Variants in DEPDC5 observed in about 807,000 individuals in gnomAD.
The protein encoded by DEPDC5 is GATOR1 complex protein DEPDC5.
A neutral mutation model predicts 217.3 loss-of-function variants in DEPDC5; 73 were observed. The ratio of observed to expected loss-of-function variants is 0.34; its 90% CI spans 0.28 to 0.41. The LOEUF (loss-of-function observed/expected upper bound fraction) is 0.41. Ranked by LOEUF, DEPDC5 falls within the 10% of genes least tolerant of loss-of-function variation. The probability of loss-of-function intolerance (pLI) is 1.00; values close to 1 mark genes in which losing one functional copy is unlikely to be tolerated. For missense variants in DEPDC5, 1,675 were observed against 2,070.1 expected, an observed-to-expected ratio of 0.81 and a Z score of 3.70; for synonymous variants, 733 against 756.7, an observed-to-expected ratio of 0.97 and a Z score of 0.51.
At chr22:31,799,087 A>G (rs2086577860) in intron 14 of DEPDC5, among the ~76,000 whole-genome samples, 1 of 146,104 alleles carries the variant, frequency 6.8e-6, no homozygotes, top group Admixed American at 7.1e-5. Flanking sequence ...CTCTGTCGCC[A>G]GGCTGGAGTG....
At chr22:31,828,383 C>T (rs1191015908) in intron 24 of DEPDC5, among the ~76,000 whole-genome samples, 1 of 136,568 alleles carries the variant, frequency 7.3e-6, no homozygotes, top group African/African-American at 2.7e-5. Context: ...ACCCGGGAGG[C>T]GGAGGTTGCA....
chr22:31,765,982 G>T (rs997612510), intron 5 of DEPDC5, among the ~76,000 whole-genome samples: 1 of 152,126 alleles, frequency 6.6e-6, no homozygotes, highest in Non-Finnish European at 1.5e-5. Flanking sequence ...AGCTGAGATC[G>T]TGCCACTGCA....
At chr22:31,756,196 A>G (rs148950376) in intron 2 of DEPDC5, among the ~76,000 whole-genome samples, 1 of 152,106 alleles carries the variant, frequency 6.6e-6, no homozygotes, top group Non-Finnish European at 1.5e-5. Context: ...TCTTTTTAAC[A>G]TTGTATTTTA....
At chr22:31,759,268 C>G (rs1265327136) in intron 3 of DEPDC5, among the ~76,000 whole-genome samples, 2 of 151,834 alleles carry the variant, frequency 1.3e-5, no homozygotes, top group Non-Finnish European at 2.9e-5. Context: ...GGGGTTTCAC[C>G]ATATTGTCCA....
At chr22:31,787,040 A>G (rs2085072154) in intron 10 of DEPDC5, among the ~76,000 whole-genome samples, 1 of 151,846 alleles carries the variant, frequency 6.6e-6, no homozygotes, top group Non-Finnish European at 1.5e-5. Context: ...TCGGCCTCCC[A>G]AAGTGTTGGG....
chr22:31,894,467 G>A (rs2093506562), intron 39 of DEPDC5: 2 of 151,988 alleles, frequency 1.3e-5, no homozygotes, highest in Non-Finnish European at 2.9e-5. Flanking sequence ...TTTAACCATA[G>A]TTAACCAGTC....
chr22:31,893,024 C>T (rs1351869962), intron 38 of DEPDC5, among the ~76,000 whole-genome samples: 1 of 152,040 alleles, frequency 6.6e-6, no homozygotes, highest in African/African-American at 2.4e-5. Flanking sequence ...TACAGGTGTG[C>T]ACCACCACAC....
chr22:31,856,552 AAAAT>A (rs1201992587), intron 31 of DEPDC5, among the ~76,000 whole-genome samples: 1 of 152,230 alleles, frequency 6.6e-6, no homozygotes, highest in Non-Finnish European at 1.5e-5. Flanking sequence ...AAAAATTAGG[AAAAT>A]AAACATGAAA....
chr22:31,805,767 T>G (rs1012750244), intron 17 of DEPDC5, among the ~76,000 whole-genome samples: 3 of 152,170 alleles, frequency 2.0e-5, no homozygotes, highest in Admixed American at 1.3e-4. Context: ...TTATACTATT[T>G]GATATCATGA....
In DEPDC5 at chr22:31,837,143, C is replaced by G; in HGVS notation, c.2342C>G (p.Ala781Gly). 2 of 1,614,098 alleles carry G rather than the reference C, an allele frequency of 1.2e-6. No individual in the cohort carries two copies. The highest frequency in any genetic ancestry group is 2.2e-5 in the South Asian group (2 of 91,078). ...GGCTGTTATGATCTCCTTCCAGAAG[C>G]AGACATCGACAGGTCAGTGTCAGAG... is the stretch of plus-strand genomic sequence containing the variant. ...TEGCYDLLPEADIDRRDEDGV... is the reference protein window; with the variant it reads ...TEGCYDLLPEGDIDRRDEDGV... The change falls in exon 26 of 43, where the codon GCA becomes GGA. Residue 781 changes from alanine (A) to glycine (G), a missense_variant. Ala to Gly is a moderately conservative substitution (Grantham distance 60). This residue lies in a region of DEPDC5 where 293 missense variants were observed against 386.1 expected (regional missense o/e 0.76). Coordinates refer to ENST00000651528, the MANE Select transcript of DEPDC5 (RefSeq NM_001242896.3).
At position 31,784,268 on chromosome 22, in the gene DEPDC5, A is replaced by C. The variant is rs926875218; in HGVS notation, c.562+283A>C. The C allele has an allele frequency of 2.8e-5, 7 of 246,554 alleles. No individual in the cohort carries two copies. The Admixed American group carries it at 3.8e-4, about 13-fold the overall frequency. The allele number at this position is 246,554 out of a possible 1,614,324, so 15.3% of individuals were successfully genotyped here. ...GGCTTCAAAAAATAAAGAAATAAAT[A>C]AACTTGGCTTCTTAGTTTGAGAATG... On this transcript the variant is annotated intron_variant, in intron 9 of 42. Transcript: ENST00000651528.
In DEPDC5 at chr22:31,758,554, C is replaced by T. The variant is rs1440966754; in HGVS notation, c.67C>T (p.Leu23=). Reference sequence around the variant, plus strand: ...GCTGAATTGTCTTTCAGATGATGAGCTAGTTGTGAACCCCAAAGTGTTCCC... The same window carrying T: ...GCTGAATTGTCTTTCAGATGATGAGTTAGTTGTGAACCCCAAAGTGTTCCC... The part of the protein sequence containing the change: ...KKGFGGSDDE[L]VVNPKVFPHI... Residue 23 remains leucine, a synonymous_variant, in exon 3 of 43, where the codon CTA becomes TTA. Transcript: ENST00000651528. 1 of 1,614,066 alleles carries T rather than the reference C, an allele frequency of 6.2e-7. No individual in the cohort carries two copies. The highest frequency in any genetic ancestry group is 1.1e-5 in the South Asian group (1 of 91,090).
chr22:31,802,294 A>C (rs1045375460), intron 14 of DEPDC5, among the ~76,000 whole-genome samples: 2 of 151,706 alleles, frequency 1.3e-5, no homozygotes, highest in African/African-American at 4.8e-5. Flanking sequence ...ATGCCTGGCT[A>C]ATTTTTGTAT....
chr22:31,881,556 C>T (rs534725748), intron 38 of DEPDC5, among the ~76,000 whole-genome samples: 2 of 152,216 alleles, frequency 1.3e-5, no homozygotes, highest in South Asian at 2.1e-4. Context: ...CTTCCAGCAA[C>T]CTAAACCACC....
intron 35 of DEPDC5, 49 bp downstream of exon 35, chr22:31,873,381 G>A (rs774969651): frequency 6.3e-7 from 1 of 1,591,524 alleles, no homozygotes; most frequent in Non-Finnish European, 8.6e-7. Flanking sequence ...AGAAGCCTGT[G>A]CCACAGCCAT....
At chr22:31,758,382 C>T (rs1020618447) in intron 2 of DEPDC5, 164 bp from the exon 3 acceptor site, 2 of 633,860 alleles carry the variant, frequency 3.2e-6, no homozygotes, top group African/African-American at 3.6e-5. Context: ...GCTTGGTGTT[C>T]CTGTGTGAAT....
At chr22:31,800,782 G>T (rs1199670950) in intron 14 of DEPDC5, among the ~76,000 whole-genome samples, 1 of 151,998 alleles carries the variant, frequency 6.6e-6, no homozygotes, top group African/African-American at 2.4e-5. Context: ...TTCAAGACCA[G>T]CCTGGGCAAC....
At chr22:31,827,921 G>A (rs2090279230) in intron 24 of DEPDC5, among the ~76,000 whole-genome samples, 1 of 152,148 alleles carries the variant, frequency 6.6e-6, no homozygotes, top group Non-Finnish European at 1.5e-5. Context: ...GAGGTGTCCT[G>A]TATTGGATGA....
intron 10 of DEPDC5, among the ~76,000 whole-genome samples, chr22:31,789,265 AT>A (rs1373036955): frequency 2.0e-5 from 3 of 152,268 alleles, no homozygotes; most frequent in African/African-American, 4.8e-5. Flanking sequence ...GCATAGATAA[AT>A]AAAATGTATA....
Sources: gnomAD v4.1 joint callset for allele counts (sites outside exome capture counted in the v4.1 genomes callset) on GRCh38, gnomAD v4.1.1 for gene constraint, gnomAD v4.1.1 regional missense constraint, MANE v1.5 for transcripts, NCBI Gene and HGNC (gene_info 2026-07-23, HGNC 2026-07-21) for gene names.